RBFOX1: variants seen among roughly 807,000 people sequenced by gnomAD.
RBFOX1 encodes the protein RNA binding fox-1 homolog 1, also known as RNA binding protein fox-1 homolog 1.
A neutral mutation model predicts 57.7 loss-of-function variants in RBFOX1; 8 were observed. The observed-to-expected ratio is 0.14, with a 90% CI of 0.08 to 0.25. The LOEUF (loss-of-function observed/expected upper bound fraction) is 0.25, where lower values mean the gene tolerates loss of function less well. Among genes scored for constraint, RBFOX1 ranks in the 10% least tolerant of loss-of-function variants. RBFOX1 has a pLI of 1.00. For synonymous variants in RBFOX1, 326 were observed against 222.4 expected, an observed-to-expected ratio of 1.47 and a Z score of -4.15; for missense variants, 611 against 548.5, an observed-to-expected ratio of 1.11 and a Z score of -1.14.
intron 4 of RBFOX1, among the ~76,000 whole-genome samples, chr16:7,230,195 C>G (rs1056104046): frequency 2.0e-5 from 3 of 151,564 alleles, no homozygotes; most frequent in African/African-American, 7.3e-5. Flanking sequence ...TTTAATTGGA[C>G]ATCTGTATAT....
chr16:5,780,748 T>G lies in RBFOX1; in HGVS notation c.319-86555T>G, dbSNP rs535024476. 1.5e-4 allele frequency among the ~76,000 whole-genome samples: 23 copies of G among 152,324 alleles called. 1 individual carries two copies. The East Asian group carries it at 2.9e-3, about 19-fold the overall frequency. On this transcript the variant is annotated intron_variant, in intron 3 of 19. Coordinates refer to the RBFOX1 transcript ENST00000641259. ...ACCGTTAAGTCACTTGAGTACAAGATGTACAGGCAGCTCCCGAGAGAAGCA... is the reference window on the plus strand; with the variant it reads ...ACCGTTAAGTCACTTGAGTACAAGAGGTACAGGCAGCTCCCGAGAGAAGCA...
At chr16:5,852,313 G>C (rs955551098) in intron 3 of RBFOX1, among the ~76,000 whole-genome samples, 3 of 152,192 alleles carry the variant, frequency 2.0e-5, no homozygotes, top group African/African-American at 7.2e-5. Context: ...AAGCAGTGAG[G>C]ATTGCAGGCG....
At position 5,630,691 on chromosome 16, in the gene RBFOX1, T is replaced by C. The variant is rs975266542; in HGVS notation, c.318+31730T>C. Reference sequence around the variant, plus strand: ...AGAGAGAAGCCAAGCCGGCTTCTTATTCTTTTTCTATCCTGATGGACGTGG... The same window carrying C: ...AGAGAGAAGCCAAGCCGGCTTCTTACTCTTTTTCTATCCTGATGGACGTGG... On this transcript the variant is annotated intron_variant, in intron 3 of 19. Coordinates refer to the RBFOX1 transcript ENST00000641259. Among the ~76,000 whole-genome samples, 13 of 152,264 alleles carry C rather than the reference T, an allele frequency of 8.5e-5. No homozygotes were observed. In the East Asian group the frequency reaches 1.9e-3, roughly 23 times the overall value.
intron 4 of RBFOX1, among the ~76,000 whole-genome samples, chr16:7,205,156 C>T (rs890479363): frequency 2.0e-5 from 3 of 151,844 alleles, no homozygotes; most frequent in African/African-American, 7.3e-5. Flanking sequence ...GCTGAGAGAC[C>T]AAGAAAAATA....
intron 3 of RBFOX1, among the ~76,000 whole-genome samples, chr16:5,707,019 A>G (rs987059533): frequency 1.3e-5 from 2 of 151,848 alleles, no homozygotes; most frequent in African/African-American, 4.8e-5. Flanking sequence ...GCTTGAGGCC[A>G]TCTCTCTCTC....
At position 6,070,768 on chromosome 16, in the gene RBFOX1, T is replaced by G. The variant is rs11643534; in HGVS notation, c.-127+50776T>G. ...TAAATGTATTTTTTGTCCTCTAGTT[T>G]CCCCAAGAAGTTAGCTCCTAGGTAA... On this transcript the variant is annotated intron_variant, in intron 1 of 15. Coordinates refer to ENST00000550418, the MANE Select transcript of RBFOX1 (RefSeq NM_018723.4). Among the ~76,000 whole-genome samples, 1,427 of 151,790 alleles carry G rather than the reference T, an allele frequency of 9.4e-3. 19 individuals are homozygous for G. Among genetic ancestry groups the G allele is most frequent in the African/African-American group, 0.032 (1,336 of 41,338 alleles).
At chr16:6,481,979 T>A (rs972070360) in intron 2 of RBFOX1, among the ~76,000 whole-genome samples, 4 of 152,196 alleles carry the variant, frequency 2.6e-5, no homozygotes, top group Admixed American at 2.6e-4. Context: ...GATGGTTACA[T>A]AAGGAATTGG....
intron 4 of RBFOX1, among the ~76,000 whole-genome samples, chr16:7,218,137 C>T (rs1328032136): frequency 2.0e-5 from 3 of 151,986 alleles, no homozygotes; most frequent in Non-Finnish European, 2.9e-5. Context: ...CAGGCTGAAT[C>T]ATCCCACCTT....
At chr16:7,124,584 T>TTCCC in intron 4 of RBFOX1, among the ~76,000 whole-genome samples, 2 of 135,518 alleles carry the variant, frequency 1.5e-5, no homozygotes, top group East Asian at 2.6e-4. Context: ...CCTTCCTTCC[T>TTCCC]GTAATAAGTT....
rs117867807 is a variant in RBFOX1 at position 6,342,461 on chromosome 16, T to C, written c.-64+25404T>C. ...TGCTTAGCATAGACTAGCCCATGAA[T>C]GGCACATAACAGAAACAACCTTGAT... On this transcript the variant is annotated intron_variant, in intron 2 of 15. Transcript: ENST00000550418. 1.2e-3 allele frequency among the ~76,000 whole-genome samples: 188 copies of C among 152,232 alleles called. 2 individuals are homozygous for C. The East Asian group carries it at 0.026, about 21-fold the overall frequency.
At chr16:6,539,222 G>A (rs1465253611) in intron 2 of RBFOX1, among the ~76,000 whole-genome samples, 2 of 152,128 alleles carry the variant, frequency 1.3e-5, no homozygotes, top group East Asian at 3.9e-4. Flanking sequence ...GGCACTTATA[G>A]GTTTAAACCC....
chr16:7,464,688 C>CTTTTTTTTTTTT (rs57553411), intron 4 of RBFOX1, among the ~76,000 whole-genome samples: 1 of 62,232 alleles, frequency 1.6e-5, no homozygotes, highest in African/African-American at 6.9e-5. Context: ...TATTGTCTGT[C>CTTTTTTTTTTTT]TTTTTTTTTT....
chr16:7,238,953 T>A (rs1329336561), intron 4 of RBFOX1, among the ~76,000 whole-genome samples: 1 of 152,172 alleles, frequency 6.6e-6, no homozygotes, highest in Admixed American at 6.5e-5. Flanking sequence ...TCATCCATGT[T>A]CCTGCAAAGG....
At chr16:6,529,801 C>G (rs1404777244) in intron 2 of RBFOX1, among the ~76,000 whole-genome samples, 2 of 152,122 alleles carry the variant, frequency 1.3e-5, no homozygotes, top group African/African-American at 4.8e-5. Context: ...AACTGCATGT[C>G]TTGTTGATAT....
chr16:7,281,306 T>C (rs890006712), intron 4 of RBFOX1, among the ~76,000 whole-genome samples: 1 of 151,632 alleles, frequency 6.6e-6, no homozygotes, highest in Non-Finnish European at 1.5e-5. Context: ...CCCAGTGCAA[T>C]TGCATGTGTA....
intron 3 of RBFOX1, among the ~76,000 whole-genome samples, chr16:6,912,353 C>T (rs1377032029): frequency 1.3e-5 from 2 of 151,992 alleles, no homozygotes; most frequent in African/African-American, 4.8e-5. Flanking sequence ...CTAGCAAGTT[C>T]CCAGGTGATG....
intron 4 of RBFOX1, among the ~76,000 whole-genome samples, chr16:7,281,588 T>A (rs1158804863): frequency 1.3e-5 from 2 of 152,060 alleles, no homozygotes; most frequent in Non-Finnish European, 2.9e-5. Context: ...CAATATCTGG[T>A]GTTGGAAGTC....
chr16:5,425,065 T>TTATTTATC (rs1555514962), intron 1 of RBFOX1, among the ~76,000 whole-genome samples: 5 of 68,588 alleles, frequency 7.3e-5, no homozygotes, highest in African/African-American at 1.4e-4. Context: ...CCTTCCTTTC[T>TTATTTATC]TATCTATCTA....
chr16:6,910,602 G>A (rs984746405), intron 3 of RBFOX1, among the ~76,000 whole-genome samples: 5 of 152,148 alleles, frequency 3.3e-5, no homozygotes, highest in Non-Finnish European at 7.4e-5. Context: ...CATTTCTTCC[G>A]GAGGTTTTAT....
Sources: gnomAD v4.1 joint callset for allele counts (sites outside exome capture counted in the v4.1 genomes callset) on GRCh38, gnomAD v4.1.1 for gene constraint, MANE v1.5 for transcripts, NCBI Gene and HGNC (gene_info 2026-07-23, HGNC 2026-07-21) for gene names.